Variants in THSD7B observed in about 807,000 individuals in gnomAD.
THSD7B encodes thrombospondin type-1 domain-containing protein 7B.
THSD7B carries 138 observed loss-of-function variants against 213.6 expected under a neutral mutation model. The observed-to-expected ratio is 0.65, with a 90% confidence interval of 0.56 to 0.74. The LOEUF (loss-of-function observed/expected upper bound fraction) is 0.74, where lower values mean the gene tolerates loss of function less well. Ranked by LOEUF, THSD7B falls within the 30% of genes least tolerant of loss-of-function variation. The pLI, the probability that THSD7B is intolerant of heterozygous loss-of-function variation, is 0.00. For synonymous variants in THSD7B, 742 were observed against 687.0 expected, an observed-to-expected ratio of 1.08 and a Z score of -1.25; for missense variants, 1,931 against 1,991.5, an observed-to-expected ratio of 0.97 and a Z score of 0.58.
intron 4 of THSD7B, among the ~76,000 whole-genome samples, chr2:137,114,687 C>T (rs1432217): frequency 0.084 from 12,828 of 152,190 alleles, 653 homozygotes; most frequent in East Asian, 0.14. Flanking sequence ...AATATATTTA[C>T]GACTTTACAC....
chr2:136,972,008 A>G (rs1685412920), intron 2 of THSD7B, among the ~76,000 whole-genome samples: 1 of 151,984 alleles, frequency 6.6e-6, no homozygotes, highest in Non-Finnish European at 1.5e-5. Flanking sequence ...AAGCAAATGT[A>G]CTCTTCTGAT....
chr2:137,565,812 C>A (rs1196352354), intron 16 of THSD7B, among the ~76,000 whole-genome samples: 2 of 152,122 alleles, frequency 1.3e-5, no homozygotes, highest in Non-Finnish European at 2.9e-5. Context: ...CCAGTCTCAT[C>A]ATGGTGGCTC....
chr2:137,062,104 A>C (rs1687287210), intron 3 of THSD7B, among the ~76,000 whole-genome samples: 1 of 151,720 alleles, frequency 6.6e-6, no homozygotes, highest in Non-Finnish European at 1.5e-5. Context: ...GGCTCATTTC[A>C]TCTAGATTAT....
chr2:136,961,769 C>G (rs765002478), intron 2 of THSD7B, among the ~76,000 whole-genome samples: 2 of 152,142 alleles, frequency 1.3e-5, no homozygotes, highest in Non-Finnish European at 2.9e-5. Context: ...AATATGGAAG[C>G]AAGTAGAAGC....
chr2:136,833,431 C>CTTT (rs1232590751), intron 1 of THSD7B, among the ~76,000 whole-genome samples: 2 of 27,162 alleles, frequency 7.4e-5, no homozygotes, highest in Non-Finnish European at 1.8e-4. Context: ...TGATTATTTT[C>CTTT]TATTTTTTTT....
intron 12 of THSD7B, among the ~76,000 whole-genome samples, chr2:137,339,690 C>CCT (rs1684716493): frequency 6.6e-6 from 1 of 151,760 alleles, no homozygotes; most frequent in African/African-American, 2.4e-5. Flanking sequence ...GGGAAGCAGC[C>CCT]CTAAGACTCA....
At chr2:137,517,262 G>A (rs1156291454) in intron 15 of THSD7B, among the ~76,000 whole-genome samples, 1 of 152,228 alleles carries the variant, frequency 6.6e-6, no homozygotes, top group Non-Finnish European at 1.5e-5. Context: ...TGATCACTTT[G>A]TGCTTCCACA....
rs1294682183 is a variant in THSD7B at position 137,405,466 on chromosome 2, A to G, written c.2501-147A>G. 5.4e-6 allele frequency: 3 copies of G among 557,900 alleles called. 1 individual carries two copies. In the East Asian group the frequency reaches 1.0e-4, roughly 19 times the overall value. The allele number at this position is 557,900 out of a possible 1,614,324, so 34.6% of individuals were successfully genotyped here. A position where few individuals can be genotyped will look rare whatever the true frequency, so the allele number is the denominator to read the frequency against. On this transcript the variant is annotated intron_variant, in intron 12 of 27. Transcript: ENST00000409968. Reference sequence around the variant, plus strand: ...CAATAAAAATTTAATTTCCAGAGAGAAATAAGGTTAGCTATGTTGAACACC... The same window carrying G: ...CAATAAAAATTTAATTTCCAGAGAGGAATAAGGTTAGCTATGTTGAACACC...
rs1192391642 is a variant in THSD7B, at chr2:137,457,301, AT to A, written c.3138+6280del. On this transcript the variant is annotated intron_variant, in intron 15 of 27. Coordinates refer to ENST00000409968, the MANE Select transcript of THSD7B (RefSeq NM_001316349.2). ...TTCATACTGGTTATTGCTACTCTGC[AT>A]TGCATCCAAACTCAGTTTTAGCTGT... Among the ~76,000 whole-genome samples, 95 of 152,274 alleles carry A rather than the reference AT, an allele frequency of 6.2e-4. 1 individual carries two copies. Among genetic ancestry groups the A allele is most frequent in the African/African-American group, 2.2e-3 (92 of 41,562 alleles).
At chr2:137,076,088 G>A (rs947775343) in intron 3 of THSD7B, among the ~76,000 whole-genome samples, 6 of 152,176 alleles carry the variant, frequency 3.9e-5, no homozygotes, top group Non-Finnish European at 2.9e-5. Flanking sequence ...CTGCATGCTG[G>A]GAGAACCACT....
intron 12 of THSD7B, among the ~76,000 whole-genome samples, chr2:137,297,756 G>A (rs4954494): frequency 6.6e-6 from 1 of 152,024 alleles, no homozygotes; most frequent in Non-Finnish European, 1.5e-5. Flanking sequence ...GGTTTACCAG[G>A]GGTTTCAGCT....
At chr2:137,399,723 A>G (rs1031588668) in intron 12 of THSD7B, among the ~76,000 whole-genome samples, 5 of 152,034 alleles carry the variant, frequency 3.3e-5, no homozygotes, top group Non-Finnish European at 5.9e-5. Context: ...GGCCTTCTGT[A>G]TCTGGATATC....
At chr2:137,383,436 C>G (rs1348308775) in intron 12 of THSD7B, among the ~76,000 whole-genome samples, 3 of 152,248 alleles carry the variant, frequency 2.0e-5, no homozygotes, top group South Asian at 4.2e-4. Flanking sequence ...GCCTATGCAT[C>G]AGACCTGTGT....
intron 15 of THSD7B, among the ~76,000 whole-genome samples, chr2:137,544,638 C>A (rs1680673649): frequency 6.6e-6 from 1 of 151,734 alleles, no homozygotes; most frequent in Non-Finnish European, 1.5e-5. Flanking sequence ...AATCAGATGA[C>A]ATTTATTTTT....
chr2:137,039,250 T>TA (rs1686833798), intron 2 of THSD7B, among the ~76,000 whole-genome samples: 1 of 152,192 alleles, frequency 6.6e-6, no homozygotes, highest in Non-Finnish European at 1.5e-5. Flanking sequence ...AGATCCTGGA[T>TA]AGGTAATGTG....
chr2:137,333,099 G>T (rs1167759148), intron 12 of THSD7B, among the ~76,000 whole-genome samples: 3 of 152,146 alleles, frequency 2.0e-5, no homozygotes, highest in Non-Finnish European at 2.9e-5. Flanking sequence ...TTTTGGGAGG[G>T]TCTGTCTGGT....
chr2:137,618,326 G>T lies in THSD7B; in HGVS notation c.3566-66G>T, dbSNP rs7574994. On this transcript the variant is annotated intron_variant, in intron 18 of 27. Transcript: ENST00000409968. Reference sequence around the variant, plus strand: ...TCTCCACCAAAGCAGATAATCAAAGGTCTGTTGTATTTTGCTCACATGGCC... The same window carrying T: ...TCTCCACCAAAGCAGATAATCAAAGTTCTGTTGTATTTTGCTCACATGGCC... 9.0e-6 allele frequency: 11 copies of T among 1,227,476 alleles called. No individual in the cohort carries two copies. In the South Asian group the frequency reaches 1.4e-4, roughly 16 times the overall value. 76.0% of individuals were successfully genotyped at this position (1,227,476 alleles called of 1,614,324 possible).
intron 12 of THSD7B, among the ~76,000 whole-genome samples, chr2:137,367,525 C>A (rs1252662863): frequency 4.6e-5 from 7 of 152,130 alleles, no homozygotes; most frequent in Admixed American, 3.9e-4. Context: ...CAAAAGGTCA[C>A]CAGTTTTTAA....
At chr2:137,462,090 A>G (rs1687896280) in intron 15 of THSD7B, among the ~76,000 whole-genome samples, 1 of 152,240 alleles carries the variant, frequency 6.6e-6, no homozygotes, top group Middle Eastern at 3.4e-3. Flanking sequence ...TTCCAGAAAT[A>G]AACAATCCAT....
Sources: allele counts gnomAD v4.1 joint callset (sites outside exome capture counted in the v4.1 genomes callset), GRCh38; gene constraint gnomAD v4.1.1; transcripts MANE v1.5; gene names NCBI Gene and HGNC (gene_info 2026-07-23, HGNC 2026-07-21).